The following HERC1 variants were observed in gnomAD, a reference collection of about 807,000 sequenced individuals.
HERC1 encodes the protein HECT and RLD domain containing E3 ubiquitin protein ligase family member 1, also known as probable E3 ubiquitin-protein ligase HERC1.
A neutral mutation model predicts 554.3 loss-of-function variants in HERC1; 160 were observed. The observed-to-expected ratio is 0.29, with a 90% confidence interval of 0.25 to 0.33. The LOEUF is 0.33. Ranked by LOEUF, HERC1 falls within the 10% of genes least tolerant of loss-of-function variation. HERC1 has a pLI of 1.00. For synonymous variants in HERC1, 2,175 were observed against 2,131.7 expected, an observed-to-expected ratio of 1.02 and a Z score of -0.56; for missense variants, 4,919 against 5,918.5, an observed-to-expected ratio of 0.83 and a Z score of 5.54.
chr15:63,766,083 G>A (rs1446719887), intron 2 of HERC1, among the ~76,000 whole-genome samples: 3 of 151,640 alleles, frequency 2.0e-5, no homozygotes. Flanking sequence ...TCAACCTCCT[G>A]GGCTCAAGTG....
At chr15:63,621,241 C>T (rs561882833) in intron 74 of HERC1, among the ~76,000 whole-genome samples, 1,846 of 152,000 alleles carry the variant, frequency 0.012, 24 homozygotes, top group African/African-American at 0.043. Context: ...TTTATTTCTC[C>T]TTCACTTATG....
At chr15:63,778,203 G>T (rs1301409477) in intron 1 of HERC1, among the ~76,000 whole-genome samples, 1 of 152,152 alleles carries the variant, frequency 6.6e-6, no homozygotes, top group Non-Finnish European at 1.5e-5. Flanking sequence ...CCAGCCATAA[G>T]GCTTTGTGGC....
At chr15:63,795,627 A>C (rs569161452) in intron 1 of HERC1, among the ~76,000 whole-genome samples, 49 of 152,318 alleles carry the variant, frequency 3.2e-4, no homozygotes, top group African/African-American at 1.2e-3. Flanking sequence ...TGCCACAAAG[A>C]AATAGCACTT....
At position 63,612,609 on chromosome 15, in the gene HERC1, A is replaced by C; in HGVS notation, c.14095-53T>G. 1 of 1,557,400 alleles carries C rather than the reference A, an allele frequency of 6.4e-7. No homozygotes were observed. Reference sequence around the variant, plus strand: ...ATGAGTGTGCGTGAACCTGGCACCCACCAAGGGCCCTGTGGGGCTAGGCGC... The same window carrying C: ...ATGAGTGTGCGTGAACCTGGCACCCCCCAAGGGCCCTGTGGGGCTAGGCGC... On this transcript the variant is annotated intron_variant, in intron 76 of 77. Transcript: ENST00000443617. The surrounding 1 kb of genome is among the most constrained non-coding windows in gnomAD (Gnocchi z 5.0).
Position 63,698,987 on chromosome 15 carries a change from T to G in HERC1, c.4646A>C (p.His1549Pro). ...AASHRKRGPM[H>P]SQLESLSDSW... Reference sequence around the variant, plus strand: ...GTCACTCAGGGATTCCAATTGACTGTGCATAGGACCTATATACAAACAGAA... The same window carrying G: ...GTCACTCAGGGATTCCAATTGACTGGGCATAGGACCTATATACAAACAGAA... The change falls in exon 26 of 78, where the codon CAC becomes CCC. Residue 1549 changes from histidine to proline, a missense_variant. His to Pro is a moderately conservative substitution (Grantham distance 77). Transcript: ENST00000443617. The G allele has an allele frequency of 6.2e-7, 1 of 1,611,382 alleles. No homozygotes were observed.
Position 63,712,628 on chromosome 15 carries a change from T to A in HERC1, c.4584+147A>T, listed in dbSNP as rs931616530. ...CATTAACACATATGTGGTAAACATA[T>A]ATGCAATATAGTTATTTCTCTTAAA... On this transcript the variant is annotated intron_variant, in intron 24 of 77. Transcript: ENST00000443617. 2.0e-5 allele frequency: 12 copies of A among 590,160 alleles called. No individual in the cohort carries two copies. The African/African-American group carries it at 2.3e-4, about 11-fold the overall frequency. 36.6% of individuals were successfully genotyped at this position (590,160 alleles called of 1,614,324 possible). A position where few individuals can be genotyped will look rare whatever the true frequency, so the allele number is the denominator to read the frequency against.
chr15:63,752,918 G>A (rs2075300620), intron 8 of HERC1, 40 bp downstream of exon 8: 2 of 1,578,334 alleles, frequency 1.3e-6, no homozygotes, highest in Non-Finnish European at 1.7e-6. Flanking sequence ...CTAATCCTCT[G>A]AAATACTCTA....
In HERC1 at chr15:63,656,245, C is replaced by T; in HGVS notation, c.9713G>A (p.Ser3238Asn). ...AAAGRAGLST[S>N]PSAMASTSER... ...TGAGGTGCTAGCCATGGCAGAAGGG[C>T]TGGTGGAGAGGCCAGCTCTCCCTGC... Residue 3238 changes from serine (S) to asparagine (N), a missense_variant, in exon 49 of 78, where the codon AGC becomes AAC. Transcript: ENST00000443617. 6.2e-7 allele frequency: 1 copy of T among 1,613,792 alleles called. No homozygotes were observed. Among genetic ancestry groups the T allele is most frequent in the Non-Finnish European group, 8.5e-7 (1 of 1,179,788 alleles).
intron 75 of HERC1, 66 bp from the exon 76 acceptor site, chr15:63,615,986 A>T (rs2067798823): frequency 3.8e-6 from 5 of 1,314,206 alleles, no homozygotes; most frequent in Non-Finnish European, 4.2e-6. Flanking sequence ...TATTTTACAT[A>T]CAAATACGGC....
chr15:63,699,042 G>C, intron 25 of HERC1, 46 bp from the exon 26 acceptor site: 1 of 1,512,446 alleles, frequency 6.6e-7, no homozygotes, highest in Non-Finnish European at 9.0e-7. Context: ...ATCAAGTAGA[G>C]CATACATTCT....
At position 63,697,746 on chromosome 15, in the gene HERC1, C is replaced by T. The variant is rs144013506; in HGVS notation, c.4905+982G>A. ...CTGGGATTACAGGAGTGAGCCACCG[C>T]GCCCGGCCAATCTTAATCATTTAGT... On this transcript the variant is annotated intron_variant, in intron 26 of 77. Transcript: ENST00000443617. Among the ~76,000 whole-genome samples, 312 of 152,242 alleles carry T rather than the reference C, an allele frequency of 2.0e-3. 1 individual carries two copies. Among genetic ancestry groups the T allele is most frequent in the African/African-American group, 7.2e-3 (297 of 41,538 alleles).
Position 63,776,958 on chromosome 15 carries a change from T to C in HERC1, c.-26-1309A>G, listed in dbSNP as rs535487822. ...CAGACATCTGTAGTTTATTTTGAAA[T>C]GCATCAGAAATAAGATGCATTGACA... On this transcript the variant is annotated intron_variant, in intron 1 of 77. Transcript: ENST00000443617. Among the ~76,000 whole-genome samples the C allele has an allele frequency of 2.0e-5, 3 of 152,330 alleles. No homozygotes were observed. In the East Asian group the frequency reaches 5.8e-4, roughly 29 times the overall value.
intron 34 of HERC1, among the ~76,000 whole-genome samples, chr15:63,683,790 T>C (rs937898071): frequency 9.2e-5 from 14 of 152,180 alleles, no homozygotes; most frequent in Non-Finnish European, 2.9e-5. Flanking sequence ...TGGGACTGTA[T>C]AGGCACATGC....
chr15:63,724,328 A>T (rs1295571801), intron 18 of HERC1, among the ~76,000 whole-genome samples: 1 of 152,206 alleles, frequency 6.6e-6, no homozygotes, highest in Non-Finnish European at 1.5e-5. Flanking sequence ...TCTTTAACAA[A>T]ATGTTTCATA....
intron 1 of HERC1, among the ~76,000 whole-genome samples, chr15:63,778,096 A>G (rs1309042573): frequency 6.6e-6 from 1 of 152,232 alleles, no homozygotes; most frequent in Non-Finnish European, 1.5e-5. Flanking sequence ...CCACACCTGT[A>G]GCATAACTTG....
At chr15:63,702,912 T>C (rs1213738027) in intron 25 of HERC1, among the ~76,000 whole-genome samples, 1 of 152,098 alleles carries the variant, frequency 6.6e-6, no homozygotes, top group African/African-American at 2.4e-5. Flanking sequence ...AAGACCAGCC[T>C]GGCCAACATG....
rs376415713 is a variant in HERC1 at position 63,775,003 on chromosome 15, T to C, written c.621A>G (p.Ser207=). ...IEVVSSLPPL[S]LANESKIPPM... ...GAGGAATCTTGCTTTCATTTGCTAA[T>C]GATAATGGTGGCAAAGAGCTCACAA... is the stretch of plus-strand genomic sequence containing the variant. The change falls in exon 2 of 78, where the codon TCA becomes TCG. Residue 207 remains serine (S), a synonymous_variant. Coordinates refer to ENST00000443617, the MANE Select transcript of HERC1 (RefSeq NM_003922.4). The surrounding 1 kb of genome is among the most constrained non-coding windows in gnomAD (Gnocchi z 4.0). 1,136 of 1,614,028 alleles carry C rather than the reference T, an allele frequency of 7.0e-4. 17 individuals carry two copies. The South Asian group carries it at 0.01, about 15-fold the overall frequency.
At chr15:63,655,377 C>T (rs990072298) in intron 50 of HERC1, among the ~76,000 whole-genome samples, 1 of 152,062 alleles carries the variant, frequency 6.6e-6, no homozygotes, top group African/African-American at 2.4e-5. Flanking sequence ...AAACAAAAGC[C>T]AGTTATCTCT....
chr15:63,693,310 C>T (rs1353546312), intron 30 of HERC1, among the ~76,000 whole-genome samples: 1 of 149,370 alleles, frequency 6.7e-6, no homozygotes, highest in Non-Finnish European at 1.5e-5. Flanking sequence ...GTGGTGTGAT[C>T]TCAGCTCACT....
Sources: allele counts gnomAD v4.1 joint callset (sites outside exome capture counted in the v4.1 genomes callset), GRCh38; gene constraint gnomAD v4.1.1; non-coding constraint Gnocchi (gnomAD v3.1); transcripts MANE v1.5; gene names NCBI Gene and HGNC (gene_info 2026-07-23, HGNC 2026-07-21).